Variants in TENM3 observed in about 807,000 individuals in gnomAD.
TENM3 encodes teneurin transmembrane protein 3.
Under a neutral mutation model 255.1 loss-of-function variants are expected in TENM3, and 63 were observed. The observed-to-expected ratio is 0.25, with a 90% CI of 0.20 to 0.30. The LOEUF is 0.30. Among genes scored for constraint, TENM3 ranks in the 10% least tolerant of loss-of-function variants. The pLI is 1.00. For synonymous variants in TENM3, 1,306 were observed against 1,322.3 expected, an observed-to-expected ratio of 0.99 and a Z score of 0.27; for missense variants, 2,929 against 3,461.1, an observed-to-expected ratio of 0.85 and a Z score of 3.86.
the TENM3 span, among the ~76,000 whole-genome samples, chr4:181,765,330 G>A: frequency 6.6e-6 from 1 of 152,100 alleles, no homozygotes; most frequent in Non-Finnish European, 1.5e-5. Context: ...GAAGTCCTTT[G>A]AGTGTGATAA....
chr4:181,514,196 G>A, the TENM3 span, among the ~76,000 whole-genome samples: 18 of 152,014 alleles, frequency 1.2e-4, no homozygotes, highest in Non-Finnish European at 2.2e-4. Flanking sequence ...CTATAACTCC[G>A]ACCCTTTCCA....
At chr4:181,824,903 C>T in the TENM3 span, among the ~76,000 whole-genome samples, 1 of 152,120 alleles carries the variant, frequency 6.6e-6, no homozygotes, top group Admixed American at 6.6e-5. Context: ...GCGTTAAGAC[C>T]ACCGGGCACT....
the TENM3 span, among the ~76,000 whole-genome samples, chr4:181,741,992 G>T: frequency 6.6e-6 from 1 of 151,986 alleles, no homozygotes; most frequent in Non-Finnish European, 1.5e-5. Context: ...ATTACTTATC[G>T]CTTGTGTCAT....
the TENM3 span, among the ~76,000 whole-genome samples, chr4:182,022,696 T>A: frequency 6.6e-6 from 1 of 152,190 alleles, no homozygotes; most frequent in South Asian, 2.1e-4. Context: ...TTTTCTTTTG[T>A]ATTTTTAAAG....
intron 3 of TENM3, among the ~76,000 whole-genome samples, chr4:182,528,576 C>T (rs2151827346): frequency 6.6e-6 from 1 of 152,234 alleles, no homozygotes; most frequent in African/African-American, 2.4e-5. Context: ...AAACAGGAGT[C>T]TCATTTATTC....
chr4:182,384,021 G>A (rs1037416045), intron 3 of TENM3, among the ~76,000 whole-genome samples: 6 of 152,050 alleles, frequency 3.9e-5, no homozygotes, highest in Non-Finnish European at 7.4e-5. Flanking sequence ...GTTTTGTTTT[G>A]GGCACTTCCC....
chr4:182,122,517 G>A, the TENM3 span, among the ~76,000 whole-genome samples: 4 of 152,292 alleles, frequency 2.6e-5, no homozygotes, highest in East Asian at 7.7e-4. Flanking sequence ...GGGTGACCAG[G>A]TATGTTATCA....
At chr4:181,985,529 A>C in the TENM3 span, among the ~76,000 whole-genome samples, 4 of 152,132 alleles carry the variant, frequency 2.6e-5, no homozygotes, top group African/African-American at 7.2e-5. Flanking sequence ...CAGAGCCAGC[A>C]GAGAATCTGA....
the TENM3 span, among the ~76,000 whole-genome samples, chr4:181,738,722 C>T: frequency 6.6e-6 from 1 of 151,886 alleles, no homozygotes; most frequent in Non-Finnish European, 1.5e-5. Context: ...ATTCTGAACC[C>T]CCCTCCTAAA....
At chr4:181,496,332 C>A in the TENM3 span, among the ~76,000 whole-genome samples, 1 of 119,514 alleles carries the variant, frequency 8.4e-6, no homozygotes, top group South Asian at 2.1e-4. Flanking sequence ...ATAGTGCTTG[C>A]ACATTTATGA....
the TENM3 span, among the ~76,000 whole-genome samples, chr4:181,570,262 G>C: frequency 2.0e-5 from 3 of 151,878 alleles, no homozygotes; most frequent in African/African-American, 7.3e-5. Flanking sequence ...AGCCAGGATG[G>C]TCTCGATCTC....
the TENM3 span, among the ~76,000 whole-genome samples, chr4:181,602,780 G>A: frequency 1.3e-5 from 2 of 152,154 alleles, no homozygotes; most frequent in African/African-American, 4.8e-5. Flanking sequence ...CTTTCTCTCA[G>A]CCCAATAAGT....
At chr4:182,495,943 G>T (rs575548007) in intron 3 of TENM3, among the ~76,000 whole-genome samples, 2 of 152,138 alleles carry the variant, frequency 1.3e-5, no homozygotes, top group Non-Finnish European at 2.9e-5. Context: ...CTATAAATAG[G>T]AGAATTGTTC....
chr4:182,280,977 T>C (rs182637268), intron 1 of TENM3, among the ~76,000 whole-genome samples: 32 of 152,302 alleles, frequency 2.1e-4, no homozygotes, highest in Admixed American at 1.8e-3. Context: ...GACGTGGTTC[T>C]GGGAGAACAC....
At chr4:182,587,826 G>A (rs897625356) in intron 3 of TENM3, among the ~76,000 whole-genome samples, 5 of 152,050 alleles carry the variant, frequency 3.3e-5, no homozygotes, top group African/African-American at 1.2e-4. Context: ...GATATAAAGT[G>A]ATTTTCATTA....
the TENM3 span, among the ~76,000 whole-genome samples, chr4:181,646,104 G>A: frequency 6.6e-6 from 1 of 152,168 alleles, no homozygotes; most frequent in Non-Finnish European, 1.5e-5. Flanking sequence ...GTACCCCAGT[G>A]CAACACAAAG....
At chr4:182,205,573 G>A (rs776730797) in intron 1 of TENM3, among the ~76,000 whole-genome samples, 36 of 152,228 alleles carry the variant, frequency 2.4e-4, no homozygotes, top group Non-Finnish European at 4.8e-4. Flanking sequence ...CCTCATGGGT[G>A]CTCCCCTGGG....
Position 182,394,632 on chromosome 4 carries a change from G to A in TENM3, c.511+47703G>A, listed in dbSNP as rs1419476897. On this transcript the variant is annotated intron_variant, in intron 3 of 27. Coordinates refer to ENST00000511685, the MANE Select transcript of TENM3 (RefSeq NM_001080477.4). The stretch of plus-strand genomic sequence containing the variant: ...TCATTTCTGTATTTTATTTTCCATA[G>A]ACACTGATTATTTTATGCCATCCTT... Among the ~76,000 whole-genome samples the A allele has an allele frequency of 6.6e-5, 10 of 152,124 alleles. 1 individual carries two copies.
At chr4:181,753,821 C>G in the TENM3 span, among the ~76,000 whole-genome samples, 8 of 152,132 alleles carry the variant, frequency 5.3e-5, no homozygotes, top group Non-Finnish European at 8.8e-5. Context: ...ACTTAGAGAT[C>G]TCCTTGCATG....
Sources: gnomAD v4.1 joint callset for allele counts (sites outside exome capture counted in the v4.1 genomes callset) on GRCh38, gnomAD v4.1.1 for gene constraint, MANE v1.5 for transcripts, NCBI Gene and HGNC (gene_info 2026-07-23, HGNC 2026-07-21) for gene names.